DPH3: variants seen among roughly 807,000 people sequenced by gnomAD.
DPH3 encodes diphthamide biosynthesis protein 3.
Under a neutral mutation model 10.2 loss-of-function variants are expected in DPH3, and 8 were observed. That is an observed-to-expected ratio of 0.79 (90% CI 0.46 to 1.42). The LOEUF is 1.42. DPH3 is among the 40% of genes most tolerant of loss of function. The probability of loss-of-function intolerance (pLI) is 0.00; values close to 1 mark genes in which losing one functional copy is unlikely to be tolerated. For missense variants in DPH3, 96 were observed against 98.9 expected (o/e 0.97, Z 0.12); for synonymous variants, 35 against 35.6 (o/e 0.98, Z 0.06).
Position 16,263,440 on chromosome 3 carries a change from T to C in DPH3, c.183+715A>G, listed in dbSNP as rs2064320731. On this transcript the variant is annotated intron_variant, in intron 2 of 2. Transcript: ENST00000488423. The surrounding 1 kb of genome is among the most constrained non-coding windows in gnomAD (Gnocchi z 4.0). ...GATCTTCCTTACCGTTTGCTTTCTG[T>C]TGCAGAGCACATTTTAATACAAGAA... Among the ~76,000 whole-genome samples, 1 of 152,234 alleles carries C rather than the reference T, an allele frequency of 6.6e-6. No homozygotes were observed. The highest frequency in any genetic ancestry group is 1.5e-5 in the Non-Finnish European group (1 of 68,044).
At position 16,263,980 on chromosome 3, in the gene DPH3, C is replaced by G. The variant is rs189332162; in HGVS notation, c.183+175G>C. On this transcript the variant is annotated intron_variant, in intron 2 of 2. Coordinates refer to ENST00000488423, the MANE Select transcript of DPH3 (RefSeq NM_206831.3). This position sits in a 1 kb window ranked among gnomAD's most constrained non-coding sequence, Gnocchi z 4.0. ...TAAATTACGTAATCTGAACTTTAAA[C>G]GTTTTAATTTACTATTCGGCTGTTT... 5.4e-4 allele frequency among the ~76,000 whole-genome samples: 82 copies of G among 152,222 alleles called. No homozygotes were observed. Among genetic ancestry groups the G allele is most frequent in the Non-Finnish European group, 6.6e-4 (45 of 68,014 alleles).
chr3:16,264,213 C>T lies in DPH3; in HGVS notation c.125G>A (p.Gly42Glu). 6.2e-7 allele frequency: 1 copy of T among 1,607,948 alleles called. No individual in the cohort carries two copies. Among genetic ancestry groups the T allele is most frequent in the Non-Finnish European group, 8.5e-7 (1 of 1,175,936 alleles). ...FSITKEDLEN[G>E]EDVATCPSCS... Reference sequence around the variant, plus strand: ...GCTAGGACACGTTGCCACGTCTTCCCCATTCTCCAAATCTTCCTACAACGA... The same window carrying T: ...GCTAGGACACGTTGCCACGTCTTCCTCATTCTCCAAATCTTCCTACAACGA... The change falls in exon 2 of 3, where the codon GGG becomes GAG. Residue 42 changes from glycine to glutamate, a missense_variant. Transcript: ENST00000488423.
rs749147420 is a variant in DPH3, at chr3:16,259,728, G to A, written c.*1036C>T. ...AGAGGCTTATTAAATATGCTCTCAT[G>A]GGCATATTTATTCACAATAGGTCTC... On this transcript the variant is annotated 3_prime_UTR_variant, in exon 3 of 3. Transcript: ENST00000488423. 4 of 152,136 alleles carry A rather than the reference G, an allele frequency of 2.6e-5. No homozygotes were observed. Among genetic ancestry groups the A allele is most frequent in the Admixed American group, 6.5e-5 (1 of 15,268 alleles). The allele number at this position is 152,136 out of a possible 1,614,324, so 9.4% of individuals were successfully genotyped here.
rs758105473 is a variant in DPH3 at position 16,258,243 on chromosome 3, G to C, written c.*2521C>G. On this transcript the variant is annotated 3_prime_UTR_variant, in exon 3 of 3. Coordinates refer to ENST00000488423, the MANE Select transcript of DPH3 (RefSeq NM_206831.3). ...TATAAAGGTTTTAATTGCAATTTCA[G>C]TTCCTACAAGCTACCAAGCCTGAAA... 3 of 152,182 alleles carry C rather than the reference G, an allele frequency of 2.0e-5. No homozygotes were observed. The highest frequency in any genetic ancestry group is 4.4e-5 in the Non-Finnish European group (3 of 68,034). The allele number at this position is 152,182 out of a possible 1,614,324, so 9.4% of individuals were successfully genotyped here. A position where few individuals can be genotyped will look rare whatever the true frequency, so the allele number is the denominator to read the frequency against.
In DPH3 at chr3:16,264,842, TC is replaced by T; in HGVS notation, c.34del (p.Asp12ThrfsTer44). 6.2e-7 allele frequency: 1 copy of T among 1,614,214 alleles called. No individual in the cohort carries two copies. The highest frequency in any genetic ancestry group is 8.5e-7 in the Non-Finnish European group (1 of 1,180,026). ...CTCCGAGTCCTCGTCATATTGGAAG[TC>T]CTCGATTTCCACCTCGTCATGAAAC... ...AVFHDEVEIE[D>X]FQYDEDSETY... On this transcript the variant is annotated frameshift_variant, in exon 1 of 3. Coordinates refer to ENST00000488423, the MANE Select transcript of DPH3 (RefSeq NM_206831.3). LOFTEE classifies it high-confidence loss of function.
rs1236400942 is a variant in DPH3 at position 16,263,452 on chromosome 3, T to A, written c.183+703A>T. The stretch of plus-strand genomic sequence containing the variant: ...CGTTTGCTTTCTGTTGCAGAGCACA[T>A]TTTAATACAAGAATGAATCATTATA... On this transcript the variant is annotated intron_variant, in intron 2 of 2. Coordinates refer to ENST00000488423, the MANE Select transcript of DPH3 (RefSeq NM_206831.3). The surrounding 1 kb of genome is among the most constrained non-coding windows in gnomAD (Gnocchi z 4.0). 6.6e-6 allele frequency among the ~76,000 whole-genome samples: 1 copy of A among 152,224 alleles called. No homozygotes were observed. The highest frequency in any genetic ancestry group is 1.5e-5 in the Non-Finnish European group (1 of 68,032).
At chr3:16,264,544 T>A in intron 1 of DPH3, 1 of 587,232 alleles carries the variant, frequency 1.7e-6, no homozygotes, top group Non-Finnish European at 3.0e-6. Context: ...AGACAGAGGC[T>A]CTCCGCCACC....
chr3:16,260,511 G>A lies in DPH3; in HGVS notation c.*253C>T. On this transcript the variant is annotated 3_prime_UTR_variant, in exon 3 of 3. Coordinates refer to ENST00000488423, the MANE Select transcript of DPH3 (RefSeq NM_206831.3). ...ACCAAGGGAAAGAAAGCACTGTTTT[G>A]AAATTATCTTCTTTTAAATTTAGAT... The A allele has an allele frequency of 2.4e-6, 1 of 421,428 alleles. No homozygotes were observed. Among genetic ancestry groups the A allele is most frequent in the Non-Finnish European group, 4.3e-6 (1 of 230,954 alleles). The allele number at this position is 421,428 out of a possible 1,614,324, so 26.1% of individuals were successfully genotyped here.
Position 16,260,767 on chromosome 3 carries a change from GC to G in DPH3, c.245del (p.Cys82SerfsTer15), listed in dbSNP as rs1177518009. Reference protein sequence around the residue: ...APSANKELVKC With the variant: ...APSANKELVKX ...ATTTGGATTCCTGAAGGCTTCTTCAGCATTTAACTAATTCTTTGTTGGCTGA... is the reference window on the plus strand; with the variant it reads ...ATTTGGATTCCTGAAGGCTTCTTCAGATTTAACTAATTCTTTGTTGGCTGA... On this transcript the variant is annotated frameshift_variant, in exon 3 of 3. Coordinates refer to ENST00000488423, the MANE Select transcript of DPH3 (RefSeq NM_206831.3). LOFTEE classifies it high-confidence loss of function. 2 of 1,613,216 alleles carry G rather than the reference GC, an allele frequency of 1.2e-6. No homozygotes were observed. The highest frequency in any genetic ancestry group is 2.2e-5 in the South Asian group (2 of 90,902).
chr3:16,264,583 C>T, intron 1 of DPH3, 186 bp downstream of exon 1: 2 of 636,536 alleles, frequency 3.1e-6, no homozygotes. Flanking sequence ...AAGGCCAGAA[C>T]TGCGTGCCTA....
intron 1 of DPH3, 153 bp downstream of exon 1, chr3:16,264,616 T>C (rs1191917978): frequency 4.3e-6 from 3 of 700,778 alleles, no homozygotes; most frequent in East Asian, 2.9e-5. Context: ...AGGGCATTAG[T>C]TGGGGTGGGG....
chr3:16,264,291 A>G, intron 1 of DPH3, 62 bp from the exon 2 acceptor site: 1 of 1,322,164 alleles, frequency 7.6e-7, no homozygotes, highest in Non-Finnish European at 1.1e-6. Context: ...CCTCCCCCAA[A>G]CCTATCCCAC....
At chr3:16,264,331 C>T (rs2064351940) in intron 1 of DPH3, 102 bp from the exon 2 acceptor site, 2 of 898,790 alleles carry the variant, frequency 2.2e-6, no homozygotes, top group Non-Finnish European at 3.3e-6. Flanking sequence ...GGTGGCTTGC[C>T]TTCCCCCCAA....
Position 16,262,608 on chromosome 3 carries a change from A to G in DPH3, c.183+1547T>C, listed in dbSNP as rs773007041. 9.2e-5 allele frequency among the ~76,000 whole-genome samples: 14 copies of G among 152,098 alleles called. No individual in the cohort carries two copies. Among genetic ancestry groups the G allele is most frequent in the Non-Finnish European group, 1.3e-4 (9 of 68,030 alleles). The stretch of plus-strand genomic sequence containing the variant: ...TTCACAGACCTGGTGGTCTCATCCA[A>G]TCTCATGGCTCTAAATGCTATCTGT... On this transcript the variant is annotated intron_variant, in intron 2 of 2. Transcript: ENST00000488423. This position sits in a 1 kb window ranked among gnomAD's most constrained non-coding sequence, Gnocchi z 4.7.
rs1417472599 is a variant in DPH3 at position 16,262,625 on chromosome 3, GCTAT to G, written c.183+1526_183+1529del. ...CTCATCCAATCTCATGGCTCTAAAT[GCTAT>G]CTGTTACTGATAACTCCCAAATTGA... On this transcript the variant is annotated intron_variant, in intron 2 of 2. Coordinates refer to ENST00000488423, the MANE Select transcript of DPH3 (RefSeq NM_206831.3). The surrounding 1 kb of genome is among the most constrained non-coding windows in gnomAD (Gnocchi z 4.7). Among the ~76,000 whole-genome samples, 2 of 152,120 alleles carry G rather than the reference GCTAT, an allele frequency of 1.3e-5. No individual in the cohort carries two copies. Among genetic ancestry groups the G allele is most frequent in the African/African-American group, 2.4e-5 (1 of 41,410 alleles).
chr3:16,260,794 AG>A lies in DPH3; in HGVS notation c.218del (p.Pro73LeufsTer7). 1.9e-6 allele frequency: 3 copies of A among 1,613,830 alleles called. No individual in the cohort carries two copies. The highest frequency in any genetic ancestry group is 2.5e-6 in the Non-Finnish European group (3 of 1,179,796). On this transcript the variant is annotated frameshift_variant, in exon 3 of 3. Transcript: ENST00000488423. LOFTEE classifies it high-confidence loss of function. The part of the protein sequence containing the change: ...QFVCGETVPA[P>X]SANKELVKC ...ATTTAACTAATTCTTTGTTGGCTGAAGGGGCTGGGACTGTTTCTCCACACAC... is the reference window on the plus strand; with the variant it reads ...ATTTAACTAATTCTTTGTTGGCTGAAGGGCTGGGACTGTTTCTCCACACAC...
In DPH3 at chr3:16,262,639, A is replaced by G. The variant is rs842257; in HGVS notation, c.183+1516T>C. On this transcript the variant is annotated intron_variant, in intron 2 of 2. Coordinates refer to ENST00000488423, the MANE Select transcript of DPH3 (RefSeq NM_206831.3). The surrounding 1 kb of genome is among the most constrained non-coding windows in gnomAD (Gnocchi z 4.7). ...TGGCTCTAAATGCTATCTGTTACTGATAACTCCCAAATTGACATTGCTAGC... is the reference window on the plus strand; with the variant it reads ...TGGCTCTAAATGCTATCTGTTACTGGTAACTCCCAAATTGACATTGCTAGC... Among the ~76,000 whole-genome samples the G allele has an allele frequency of 0.41, 62,230 of 151,948 alleles. 12,913 individuals carry two copies. The highest frequency in any genetic ancestry group is 0.53 in the South Asian group (2,548 of 4,810).
At position 16,260,633 on chromosome 3, in the gene DPH3, TAGAA is replaced by T. The variant is rs560794708; in HGVS notation, c.*127_*130del. 1.4e-5 allele frequency: 10 copies of T among 713,644 alleles called. No individual in the cohort carries two copies. In the African/African-American group the frequency reaches 1.6e-4, roughly 11 times the overall value. The allele number at this position is 713,644 out of a possible 1,614,324, so 44.2% of individuals were successfully genotyped here. A position where few individuals can be genotyped will look rare whatever the true frequency, so the allele number is the denominator to read the frequency against. On this transcript the variant is annotated 3_prime_UTR_variant, in exon 3 of 3. Coordinates refer to ENST00000488423, the MANE Select transcript of DPH3 (RefSeq NM_206831.3). ...TCCTGAAGATGATATCAGCAGTTGA[TAGAA>T]AGAATCCACACTCTTACAGAACAGC... is the stretch of plus-strand genomic sequence containing the variant.
chr3:16,261,617 C>T lies in DPH3; in HGVS notation c.184-788G>A, dbSNP rs990596618. Among the ~76,000 whole-genome samples, 1 of 152,178 alleles carries T rather than the reference C, an allele frequency of 6.6e-6. No individual in the cohort carries two copies. Among genetic ancestry groups the T allele is most frequent in the Non-Finnish European group, 1.5e-5 (1 of 68,036 alleles). On this transcript the variant is annotated intron_variant, in intron 2 of 2. Coordinates refer to ENST00000488423, the MANE Select transcript of DPH3 (RefSeq NM_206831.3). The surrounding 1 kb of genome is among the most constrained non-coding windows in gnomAD (Gnocchi z 7.1). ...ATCTAGTAGGTAGAGGCCAGGGATC[C>T]TGCTAGACATCCTATAATGCACGGG...
Sources: allele counts gnomAD v4.1 joint callset (sites outside exome capture counted in the v4.1 genomes callset), GRCh38; gene constraint gnomAD v4.1.1; non-coding constraint Gnocchi (gnomAD v3.1); transcripts MANE v1.5; gene names NCBI Gene and HGNC (gene_info 2026-07-23, HGNC 2026-07-21).